SV2C: variants seen among roughly 807,000 people sequenced by gnomAD.
The protein encoded by SV2C is synaptic vesicle glycoprotein 2C, also known as solute carrier family 22 member B3.
A neutral mutation model predicts 79.7 loss-of-function variants in SV2C; 49 were observed. The ratio of observed to expected loss-of-function variants is 0.61; its 90% confidence interval spans 0.49 to 0.78. The LOEUF (loss-of-function observed/expected upper bound fraction) is 0.78, where lower values mean the gene tolerates loss of function less well. Ranked by LOEUF, SV2C falls within the 30% of genes least tolerant of loss-of-function variation. The pLI is 0.00. For synonymous variants in SV2C, 334 were observed against 333.2 expected (o/e 1.00, Z -0.03); for missense variants, 833 against 912.9 (o/e 0.91, Z 1.13).
intron 1 of SV2C, among the ~76,000 whole-genome samples, chr5:76,092,778 G>A (rs533700877): frequency 1.3e-5 from 2 of 151,948 alleles, no homozygotes; most frequent in East Asian, 3.9e-4. Context: ...CCCAACTCCC[G>A]CCATACACAT....
chr5:76,071,892 A>G, the SV2C span, among the ~76,000 whole-genome samples: 26 of 152,334 alleles, frequency 1.7e-4, no homozygotes, highest in African/African-American at 5.8e-4. Flanking sequence ...CCTATAGTAG[A>G]ATGTTAAAAA....
chr5:75,940,259 G>C, the SV2C span, among the ~76,000 whole-genome samples: 1 of 152,104 alleles, frequency 6.6e-6, no homozygotes, highest in South Asian at 2.1e-4. Flanking sequence ...GGCTACTTGG[G>C]AGGCTGATGT....
intron 4 of SV2C, among the ~76,000 whole-genome samples, chr5:76,235,150 C>T (rs1450107541): frequency 2.3e-5 from 2 of 85,358 alleles, no homozygotes; most frequent in African/African-American, 8.1e-5. Flanking sequence ...AGAAAAAAGA[C>T]AAAGGGAGAA....
chr5:76,267,864 G>T (rs1222581449), intron 4 of SV2C, among the ~76,000 whole-genome samples: 1 of 152,254 alleles, frequency 6.6e-6, no homozygotes, highest in Admixed American at 6.5e-5. Context: ...ACAGGCAACA[G>T]AAATTAATGC....
the SV2C span, among the ~76,000 whole-genome samples, chr5:75,867,427 G>A: frequency 6.6e-6 from 1 of 152,118 alleles, no homozygotes; most frequent in Admixed American, 6.5e-5. Flanking sequence ...TATGCTGGGA[G>A]AACTTAGACC....
downstream of SV2C, among the ~76,000 whole-genome samples, chr5:76,337,014 C>A (rs1234167852): frequency 6.6e-6 from 1 of 152,114 alleles, no homozygotes; most frequent in Non-Finnish European, 1.5e-5. Context: ...AACAAGGCAA[C>A]ATAAGTCTTG....
the SV2C span, among the ~76,000 whole-genome samples, chr5:76,061,030 TATTG>T: frequency 2.0e-5 from 3 of 152,028 alleles, no homozygotes; most frequent in Non-Finnish European, 4.4e-5. Flanking sequence ...ACACAACATT[TATTG>T]ATTAAGTTTG....
At chr5:75,997,690 A>C in the SV2C span, among the ~76,000 whole-genome samples, 1 of 152,232 alleles carries the variant, frequency 6.6e-6, no homozygotes, top group Non-Finnish European at 1.5e-5. Flanking sequence ...GTCAGGAAAC[A>C]ACAAGTGCTG....
At chr5:75,911,766 G>A in the SV2C span, 31 of 602,164 alleles carry the variant, frequency 5.1e-5, no homozygotes, top group East Asian at 5.4e-4. Context: ...CTGACTCCTC[G>A]GAGGGCCAAG....
chr5:76,272,709 T>C (rs974623597), intron 4 of SV2C, among the ~76,000 whole-genome samples: 1 of 152,194 alleles, frequency 6.6e-6, no homozygotes, highest in Non-Finnish European at 1.5e-5. Flanking sequence ...CACAAGATCT[T>C]AGAATCAGAG....
Position 76,327,165 on chromosome 5 carries a change from C to T in SV2C, c.*1618C>T, listed in dbSNP as rs1749035292. On this transcript the variant is annotated 3_prime_UTR_variant, in exon 13 of 13. Transcript: ENST00000502798. ...CCTCCCCCTCCCCTTCCTAATGATC[C>T]CTCGCAGAGCTCAGACTAAGTGAAA... 1 of 152,110 alleles carries T rather than the reference C, an allele frequency of 6.6e-6. No homozygotes were observed. The highest frequency in any genetic ancestry group is 2.1e-4 in the South Asian group (1 of 4,814). The allele number at this position is 152,110 out of a possible 1,614,324, so 9.4% of individuals were successfully genotyped here.
At chr5:76,084,569 C>G (rs1409394718) in intron 1 of SV2C, among the ~76,000 whole-genome samples, 1 of 85,510 alleles carries the variant, frequency 1.2e-5, no homozygotes, top group Non-Finnish European at 2.3e-5. Context: ...TTAGGCGGCG[C>G]GCGGGGGCGG....
intron 4 of SV2C, among the ~76,000 whole-genome samples, chr5:76,235,434 G>A (rs1036734758): frequency 1.3e-5 from 2 of 152,188 alleles, no homozygotes; most frequent in Non-Finnish European, 2.9e-5. Context: ...AAGAAAACAT[G>A]TCTGAAGCTG....
the SV2C span, among the ~76,000 whole-genome samples, chr5:76,035,070 T>C: frequency 6.6e-6 from 1 of 152,184 alleles, no homozygotes; most frequent in Non-Finnish European, 1.5e-5. Flanking sequence ...TGGTAGTTTG[T>C]ATTTCTGTGG....
At chr5:76,103,246 GGAGA>G (rs139749338) in intron 1 of SV2C, among the ~76,000 whole-genome samples, 15 of 151,884 alleles carry the variant, frequency 9.9e-5, no homozygotes, top group African/African-American at 2.2e-4. Context: ...TGCAAAGCAG[GGAGA>G]GAGAGAGAGA....
intron 6 of SV2C, among the ~76,000 whole-genome samples, chr5:76,289,694 C>T (rs1334381030): frequency 6.6e-6 from 1 of 152,210 alleles, no homozygotes; most frequent in Non-Finnish European, 1.5e-5. Flanking sequence ...GAATCGCGAA[C>T]TCTTTGCAGT....
chr5:76,194,718 G>A (rs1319597005), intron 2 of SV2C, among the ~76,000 whole-genome samples: 5 of 152,204 alleles, frequency 3.3e-5, no homozygotes, highest in Middle Eastern at 3.2e-3. Flanking sequence ...TGTGAGGGTC[G>A]TGAGACCTTG....
intron 2 of SV2C, among the ~76,000 whole-genome samples, chr5:76,154,298 C>A (rs1742656530): frequency 6.6e-6 from 1 of 152,152 alleles, no homozygotes; most frequent in Non-Finnish European, 1.5e-5. Flanking sequence ...CTTTTGCTTC[C>A]TTCATATTCC....
At chr5:76,040,704 G>A in the SV2C span, among the ~76,000 whole-genome samples, 1 of 152,136 alleles carries the variant, frequency 6.6e-6, no homozygotes, top group Admixed American at 6.5e-5. Context: ...GTGTGGAAGT[G>A]CAAGTCTCCC....
Sources: allele counts gnomAD v4.1 joint callset (sites outside exome capture counted in the v4.1 genomes callset), GRCh38; gene constraint gnomAD v4.1.1; transcripts MANE v1.5; gene names NCBI Gene and HGNC (gene_info 2026-07-23, HGNC 2026-07-21).